PEX5L: variants seen among roughly 807,000 people sequenced by gnomAD.
PEX5L encodes peroxisomal biogenesis factor 5 like, also known as PEX5-related protein.
A neutral mutation model predicts 84.0 loss-of-function variants in PEX5L; 30 were observed. That is an observed-to-expected ratio of 0.36 (90% CI 0.27 to 0.48). The LOEUF (loss-of-function observed/expected upper bound fraction) is 0.48. PEX5L is among the 20% of genes least tolerant of loss of function. The pLI is 0.99. For missense variants in PEX5L, 533 were observed against 754.6 expected, an observed-to-expected ratio of 0.71 and a Z score of 3.44; for synonymous variants, 270 against 283.1, an observed-to-expected ratio of 0.95 and a Z score of 0.46.
At chr3:179,808,843 C>A (rs1433466833) in intron 12 of PEX5L, among the ~76,000 whole-genome samples, 1 of 151,514 alleles carries the variant, frequency 6.6e-6, no homozygotes, top group Non-Finnish European at 1.5e-5. Flanking sequence ...TTTGGGAGGC[C>A]GAGGCGGGCG....
At chr3:179,888,868 T>C (rs956455950) in intron 3 of PEX5L, among the ~76,000 whole-genome samples, 1 of 151,866 alleles carries the variant, frequency 6.6e-6, no homozygotes, top group Non-Finnish European at 1.5e-5. Context: ...GGGCTCAAGC[T>C]ATCCTCGCAT....
At chr3:180,001,931 A>T (rs1788458023) in intron 1 of PEX5L, among the ~76,000 whole-genome samples, 1 of 152,136 alleles carries the variant, frequency 6.6e-6, no homozygotes, top group South Asian at 2.1e-4. Flanking sequence ...AATATATTTA[A>T]CCATATACAT....
At chr3:179,821,212 G>A (rs1190490623) in intron 8 of PEX5L, among the ~76,000 whole-genome samples, 2 of 152,164 alleles carry the variant, frequency 1.3e-5, no homozygotes, top group Non-Finnish European at 1.5e-5. Context: ...CCTGCTAAGA[G>A]AGACACTTGG....
intron 2 of PEX5L, among the ~76,000 whole-genome samples, chr3:179,906,493 T>C (rs1211416054): frequency 1.3e-5 from 2 of 152,214 alleles, no homozygotes; most frequent in Non-Finnish European, 2.9e-5. Context: ...TGGCCTTACA[T>C]TGAGGCTGGC....
chr3:179,857,243 T>C (rs915045876), intron 8 of PEX5L, among the ~76,000 whole-genome samples: 2 of 152,164 alleles, frequency 1.3e-5, no homozygotes, highest in African/African-American at 4.8e-5. Context: ...CCAGGAGATG[T>C]GGCTTGCTGG....
chr3:179,992,184 C>A (rs1020105162), intron 1 of PEX5L, among the ~76,000 whole-genome samples: 1 of 152,170 alleles, frequency 6.6e-6, no homozygotes, highest in African/African-American at 2.4e-5. Flanking sequence ...GCAATATATT[C>A]TTCCCAGCCT....
intron 1 of PEX5L, among the ~76,000 whole-genome samples, chr3:179,990,940 T>C (rs1382543646): frequency 1.3e-5 from 2 of 152,218 alleles, no homozygotes; most frequent in Admixed American, 6.5e-5. Flanking sequence ...TTAAAACCTG[T>C]TTATATAATT....
At chr3:179,868,425 A>G (rs1416686035) in intron 7 of PEX5L, among the ~76,000 whole-genome samples, 1 of 151,808 alleles carries the variant, frequency 6.6e-6, no homozygotes, top group East Asian at 1.9e-4. Flanking sequence ...CTTTTACATT[A>G]CTCCTTTAGA....
At chr3:179,835,133 C>A (rs781375664) in intron 8 of PEX5L, among the ~76,000 whole-genome samples, 2 of 152,146 alleles carry the variant, frequency 1.3e-5, no homozygotes, top group African/African-American at 4.8e-5. Context: ...GCTGAAAAAG[C>A]CAGTTCCTGA....
At chr3:179,806,062 T>A (rs1721182935) in intron 14 of PEX5L, among the ~76,000 whole-genome samples, 1 of 150,542 alleles carries the variant, frequency 6.6e-6, no homozygotes, top group South Asian at 2.1e-4. Flanking sequence ...TAAGAACAAT[T>A]ATAACAATTA....
intron 1 of PEX5L, among the ~76,000 whole-genome samples, chr3:180,022,838 C>T (rs947222591): frequency 6.6e-6 from 1 of 152,146 alleles, no homozygotes; most frequent in African/African-American, 2.4e-5. Context: ...TAAGCAAGTG[C>T]ACTCCATCCT....
At chr3:179,883,596 C>G (rs962868981) in intron 4 of PEX5L, among the ~76,000 whole-genome samples, 7 of 152,232 alleles carry the variant, frequency 4.6e-5, no homozygotes, top group African/African-American at 1.7e-4. Context: ...CCAGCCTGAC[C>G]AAAATGGAGA....
At position 179,796,034 on chromosome 3, in the gene PEX5L, T is replaced by G. The variant is rs1189221302; in HGVS notation, c.*5794A>C. ...GTCCATCATGAACACATTTCTCACA[T>G]GGCAGAATTCTTGTATGGTATCCAT... On this transcript the variant is annotated 3_prime_UTR_variant, in exon 15 of 15. Coordinates refer to ENST00000467460, the MANE Select transcript of PEX5L (RefSeq NM_016559.3). 1 of 152,220 alleles carries G rather than the reference T, an allele frequency of 6.6e-6. No individual in the cohort carries two copies. Among genetic ancestry groups the G allele is most frequent in the African/African-American group, 2.4e-5 (1 of 41,454 alleles). 9.4% of individuals were successfully genotyped at this position (152,220 alleles called of 1,614,324 possible).
At chr3:179,893,755 A>T (rs572093079) in intron 3 of PEX5L, among the ~76,000 whole-genome samples, 2 of 152,160 alleles carry the variant, frequency 1.3e-5, no homozygotes, top group Non-Finnish European at 2.9e-5. Flanking sequence ...ATTGAAGCTA[A>T]TAAGTTTAAA....
chr3:179,958,311 C>G (rs540445356), intron 2 of PEX5L, among the ~76,000 whole-genome samples: 1 of 152,262 alleles, frequency 6.6e-6, no homozygotes, highest in Admixed American at 6.5e-5. Flanking sequence ...CCCAGCACTG[C>G]CATGTACTGC....
rs1161289378 is a variant in PEX5L at position 180,010,623 on chromosome 3, A to C, written c.21+25956T>G. 2.0e-5 allele frequency among the ~76,000 whole-genome samples: 3 copies of C among 151,982 alleles called. No homozygotes were observed. In the East Asian group the frequency reaches 5.8e-4, roughly 29 times the overall value. ...GACTACACAACTAATGTTTTCTCCT[A>C]GTTTTCTTACTTTTAAGGCAAATGA... On this transcript the variant is annotated intron_variant, in intron 1 of 14. Coordinates refer to ENST00000467460, the MANE Select transcript of PEX5L (RefSeq NM_016559.3).
intron 2 of PEX5L, among the ~76,000 whole-genome samples, chr3:179,963,241 C>T (rs1343407991): frequency 1.5e-5 from 1 of 68,460 alleles, no homozygotes; most frequent in African/African-American, 5.3e-5. Context: ...TGTTTACTCA[C>T]AGAGATGGCT....
chr3:179,893,546 T>G (rs1464230410), intron 3 of PEX5L, among the ~76,000 whole-genome samples: 1 of 152,142 alleles, frequency 6.6e-6, no homozygotes, highest in Admixed American at 6.6e-5. Context: ...GAGCTCAAAG[T>G]TTCTGATAAC....
chr3:179,849,518 T>C (rs1486983057), intron 8 of PEX5L, among the ~76,000 whole-genome samples: 3 of 152,244 alleles, frequency 2.0e-5, no homozygotes, highest in Admixed American at 6.5e-5. Context: ...TGAGACTTTT[T>C]CCACATACCT....
Sources: gnomAD v4.1 joint callset for allele counts (sites outside exome capture counted in the v4.1 genomes callset) on GRCh38, gnomAD v4.1.1 for gene constraint, MANE v1.5 for transcripts, NCBI Gene and HGNC (gene_info 2026-07-23, HGNC 2026-07-21) for gene names.